CRACD: variants seen among roughly 807,000 people sequenced by gnomAD.
CRACD encodes the protein capping protein-inhibiting regulator of actin dynamics.
Under a neutral mutation model 106.8 loss-of-function variants are expected in CRACD, and 56 were observed. The observed-to-expected ratio is 0.52, with a 90% CI of 0.42 to 0.66. The LOEUF is 0.66. Ranked by LOEUF, CRACD falls within the 30% of genes least tolerant of loss-of-function variation. The pLI is 0.00. For synonymous variants in CRACD, 754 were observed against 670.8 expected, an observed-to-expected ratio of 1.12 and a Z score of -1.92; for missense variants, 1,730 against 1,623.2, an observed-to-expected ratio of 1.07 and a Z score of -1.13.
At chr4:56,138,520 G>A (rs527899870) in intron 1 of CRACD, among the ~76,000 whole-genome samples, 1 of 151,974 alleles carries the variant, frequency 6.6e-6, no homozygotes, top group South Asian at 2.1e-4. Flanking sequence ...AGCAGAAAGA[G>A]ACCAAATCTT....
intron 2 of CRACD, among the ~76,000 whole-genome samples, chr4:56,219,819 TAGAC>T (rs1738929625): frequency 6.6e-6 from 1 of 152,210 alleles, no homozygotes; most frequent in Admixed American, 6.5e-5. Flanking sequence ...CAGGGACAGT[TAGAC>T]AGTAATGATT....
In CRACD at chr4:56,243,866, T is replaced by C. The variant is rs142422914; in HGVS notation, c.-188-28455T>C. Among the ~76,000 whole-genome samples, 677 of 145,044 alleles carry C rather than the reference T, an allele frequency of 4.7e-3. 6 individuals are homozygous for C. Among genetic ancestry groups the C allele is most frequent in the Middle Eastern group, 0.021 (6 of 284 alleles). On this transcript the variant is annotated intron_variant, in intron 2 of 10. Transcript: ENST00000682029. ...TTGTACTTTCAAATAGTAGGTCTTA[T>C]TCATTCCTTCTAACTATTTTTTTGT...
intron 1 of CRACD, among the ~76,000 whole-genome samples, chr4:56,125,214 A>T (rs1577678907): frequency 6.6e-6 from 1 of 152,210 alleles, no homozygotes; most frequent in East Asian, 1.9e-4. Flanking sequence ...ATTCTTGCCT[A>T]AATGAGTTAT....
intron 3 of CRACD, among the ~76,000 whole-genome samples, chr4:56,287,096 A>G (rs532215902): frequency 6.6e-6 from 1 of 152,166 alleles, no homozygotes; most frequent in African/African-American, 2.4e-5. Context: ...AGTGAGCCTG[A>G]CAGTACTATG....
chr4:56,071,849 C>T (rs905845360), intron 1 of CRACD, among the ~76,000 whole-genome samples: 1 of 148,772 alleles, frequency 6.7e-6, no homozygotes, highest in Non-Finnish European at 1.5e-5. Context: ...GAATTGGGGC[C>T]GGGCGCGGTG....
At position 56,278,001 on chromosome 4, in the gene CRACD, T is replaced by C. The variant is rs570092694; in HGVS notation, c.-17+5509T>C. On this transcript the variant is annotated intron_variant, in intron 3 of 10. Coordinates refer to ENST00000682029, the MANE Select transcript of CRACD (RefSeq NM_001393381.1). The stretch of plus-strand genomic sequence containing the variant: ...AATGACAAAATATCATTGAAAGAAA[T>C]TAAAGAAGATTGAAATGATGGAAAG... Among the ~76,000 whole-genome samples, 36 of 152,256 alleles carry C rather than the reference T, an allele frequency of 2.4e-4. No individual in the cohort carries two copies. In the South Asian group the frequency reaches 5.8e-3, roughly 25 times the overall value.
At chr4:56,089,926 G>A (rs1733364778) in intron 1 of CRACD, among the ~76,000 whole-genome samples, 1 of 152,094 alleles carries the variant, frequency 6.6e-6, no homozygotes, top group African/African-American at 2.4e-5. Flanking sequence ...TCATTAGTCT[G>A]TATAAAAAGT....
intron 2 of CRACD, among the ~76,000 whole-genome samples, chr4:56,240,204 C>G (rs1340160475): frequency 6.6e-6 from 1 of 151,950 alleles, no homozygotes; most frequent in Non-Finnish European, 1.5e-5. Context: ...TTTCCCACCT[C>G]AGGAAATGGG....
chr4:56,296,920 G>GTTT lies in CRACD; in HGVS notation c.-16-1281_-16-1279dup, dbSNP rs5858372. ...TTTGTGCATTTCTTTTTTTTTGTTT[G>GTTT]TTTTTTTTTTTTTTTGAGACTGAGT... On this transcript the variant is annotated intron_variant, in intron 3 of 10. Transcript: ENST00000682029. Among the ~76,000 whole-genome samples, 89 of 131,626 alleles carry GTTT rather than the reference G, an allele frequency of 6.8e-4. 1 individual carries two copies. The highest frequency in any genetic ancestry group is 2.4e-3 in the African/African-American group (83 of 34,580). The allele number at this position is 131,626 out of a possible 152,430, so 86.4% of individuals were successfully genotyped here. A position where few individuals can be genotyped will look rare whatever the true frequency, so the allele number is the denominator to read the frequency against.
intron 2 of CRACD, among the ~76,000 whole-genome samples, chr4:56,241,787 C>T (rs1181053138): frequency 6.6e-6 from 1 of 152,040 alleles, no homozygotes. Context: ...AAGGAAGGCG[C>T]CTTGTAGGAG....
intron 2 of CRACD, among the ~76,000 whole-genome samples, chr4:56,188,830 C>A: frequency 6.6e-6 from 1 of 151,316 alleles, no homozygotes; most frequent in East Asian, 2.0e-4. Flanking sequence ...TATTTTCCTT[C>A]ATTTCTTTAT....
chr4:56,255,098 A>C (rs535742655), intron 2 of CRACD, among the ~76,000 whole-genome samples: 2 of 131,638 alleles, frequency 1.5e-5, no homozygotes, highest in Non-Finnish European at 3.1e-5. Context: ...TAAGTGACAG[A>C]GTGAGACTCC....
At chr4:56,196,692 A>G (rs17086415) in intron 2 of CRACD, among the ~76,000 whole-genome samples, 1,856 of 152,266 alleles carry the variant, frequency 0.012, 25 homozygotes, top group African/African-American at 0.041. Flanking sequence ...CTATAATTCT[A>G]TCATGCTTGA....
At position 56,319,621 on chromosome 4, in the gene CRACD, A is replaced by T. The variant is rs1468681694; in HGVS notation, c.3187+2932A>T. ...CCTGTCTCAAAAAAAGGAAAAAAAA[A>T]AAGCTTGATTTTGTTTTTATCCTTA... On this transcript the variant is annotated intron_variant, in intron 8 of 10. Coordinates refer to ENST00000682029, the MANE Select transcript of CRACD (RefSeq NM_001393381.1). Among the ~76,000 whole-genome samples the T allele has an allele frequency of 3.3e-5, 5 of 152,126 alleles. No individual in the cohort carries two copies. The East Asian group carries it at 9.6e-4, about 29-fold the overall frequency.
rs1048482508 is a variant in CRACD at position 56,329,266 on chromosome 4, C to T, written c.*1462C>T. Among the ~76,000 whole-genome samples the T allele has an allele frequency of 6.6e-5, 10 of 152,112 alleles. No homozygotes were observed. Among genetic ancestry groups the T allele is most frequent in the African/African-American group, 9.7e-5 (4 of 41,416 alleles). On this transcript the variant is annotated 3_prime_UTR_variant, in exon 11 of 11. Transcript: ENST00000682029. ...TTCCCCTTTTCTTAGATTCTTACTC[C>T]GAAATATAGGTACACATCCTTTGCT...
At chr4:56,259,456 A>G (rs1421707655) in intron 2 of CRACD, among the ~76,000 whole-genome samples, 1 of 152,146 alleles carries the variant, frequency 6.6e-6, no homozygotes, top group Non-Finnish European at 1.5e-5. Flanking sequence ...AGGGGAAGGT[A>G]AAGGTTATAA....
intron 1 of CRACD, among the ~76,000 whole-genome samples, chr4:56,107,320 C>CA (rs1425384504): frequency 1.3e-5 from 2 of 152,154 alleles, no homozygotes; most frequent in African/African-American, 4.8e-5. Flanking sequence ...AACAGGTTAT[C>CA]AGCAATCTTA....
chr4:56,320,716 C>T (rs1746041641), intron 8 of CRACD: 1 of 152,502 alleles, frequency 6.6e-6, no homozygotes, highest in Admixed American at 6.5e-5. Flanking sequence ...TATCACAGCC[C>T]CATCATAGTG....
rs1255531003 is a variant in CRACD at position 56,313,326 on chromosome 4, G to T, written c.484G>T (p.Ala162Ser). The change falls in exon 7 of 11, where the codon GCT becomes TCT. Residue 162 changes from alanine (A) to serine (S), a missense_variant. Around this residue, in one of 5 missense-constraint regions of CRACD, gnomAD observed 1,620 missense variants for 1,481.6 expected, o/e 1.09. Coordinates refer to ENST00000682029, the MANE Select transcript of CRACD (RefSeq NM_001393381.1). ...LDNSAAKHKL[A>S]VKPKKQRVSK... ...CAACAGTGCCGCCAAGCACAAGCTG[G>T]CTGTTAAGCCAAAAAAACAGAGGGT... is the stretch of plus-strand genomic sequence containing the variant. 1.2e-6 allele frequency: 2 copies of T among 1,614,200 alleles called. No homozygotes were observed. The highest frequency in any genetic ancestry group is 4.5e-5 in the East Asian group (2 of 44,882).
Sources: allele counts gnomAD v4.1 joint callset (sites outside exome capture counted in the v4.1 genomes callset), GRCh38; gene constraint gnomAD v4.1.1; regional missense constraint gnomAD v4.1.1; transcripts MANE v1.5; gene names NCBI Gene and HGNC (gene_info 2026-07-23, HGNC 2026-07-21).